SPATA22: variants seen among roughly 807,000 people sequenced by gnomAD.
SPATA22 encodes spermatogenesis associated 22.
In SPATA22, 29 loss-of-function variants were observed where a neutral mutation model predicts 47.8. That is an observed-to-expected ratio of 0.61 (90% CI 0.45 to 0.83). The LOEUF (loss-of-function observed/expected upper bound fraction) is 0.83. SPATA22 is among the 40% of genes least tolerant of loss of function. The pLI is 0.00. For synonymous variants in SPATA22, 133 were observed against 140.9 expected, an observed-to-expected ratio of 0.94 and a Z score of 0.40; for missense variants, 410 against 421.7, an observed-to-expected ratio of 0.97 and a Z score of 0.24.
intron 1 of SPATA22, chr17:3,498,740 T>G: frequency 1.4e-6 from 1 of 690,814 alleles, no homozygotes; most frequent in East Asian, 3.0e-5. Flanking sequence ...GTCAGCGCAG[T>G]CAGATCACTT....
At chr17:3,463,244 G>A (rs111711207) in intron 3 of SPATA22, among the ~76,000 whole-genome samples, 5 of 151,260 alleles carry the variant, frequency 3.3e-5, no homozygotes, top group Non-Finnish European at 5.9e-5. Flanking sequence ...CTTAATGACA[G>A]GGATACAGTC....
At chr17:3,491,577 G>T (rs1273508760) in intron 1 of SPATA22, among the ~76,000 whole-genome samples, 1 of 152,008 alleles carries the variant, frequency 6.6e-6, no homozygotes, top group Non-Finnish European at 1.5e-5. Context: ...GGAAAACCTT[G>T]TCTCTACTAA....
At chr17:3,447,030 A>T (rs892590533) in intron 6 of SPATA22, among the ~76,000 whole-genome samples, 3 of 152,202 alleles carry the variant, frequency 2.0e-5, no homozygotes, top group African/African-American at 7.2e-5. Context: ...ATAGCTATTT[A>T]GGAAAAATTC....
intron 5 of SPATA22, among the ~76,000 whole-genome samples, chr17:3,452,671 A>G (rs947091565): frequency 1.3e-5 from 2 of 152,124 alleles, no homozygotes; most frequent in African/African-American, 4.8e-5. Flanking sequence ...CTAAAAAAAG[A>G]AAAAAGAAGA....
Position 3,440,334 on chromosome 17 carries a change from C to T in SPATA22, c.905G>A (p.Arg302His), listed in dbSNP as rs80253914. ...GCCTCTAATCAGTCTCGGAAGTTCA[C>T]GATCCTGTTTTTCAAAAAATAAGTA... ...TLPCVFYEID[R>H]ELPRLIRGRV... The change falls in exon 9 of 9, where the codon CGT becomes CAT. Residue 302 changes from arginine (R) to histidine (H), a missense_variant. Coordinates refer to ENST00000572969, the MANE Select transcript of SPATA22 (RefSeq NM_001170698.2). The T allele has an allele frequency of 2.9e-5, 43 of 1,483,394 alleles. No individual in the cohort carries two copies. The highest frequency in any genetic ancestry group is 3.6e-5 in the Non-Finnish European group (40 of 1,111,130). The allele number at this position is 1,483,394 out of a possible 1,614,324, so 91.9% of individuals were successfully genotyped here. A position where few individuals can be genotyped will look rare whatever the true frequency, so the allele number is the denominator to read the frequency against.
intron 1 of SPATA22, among the ~76,000 whole-genome samples, chr17:3,506,994 G>GGAAA (rs1268108608): frequency 2.8e-5 from 4 of 143,830 alleles, no homozygotes; most frequent in Admixed American, 7.2e-5. Context: ...AGAGAAGGAA[G>GGAAA]GGAGGGAGGA....
intron 1 of SPATA22, among the ~76,000 whole-genome samples, chr17:3,497,064 A>C (rs1294151590): frequency 1.3e-5 from 2 of 152,152 alleles, no homozygotes; most frequent in Non-Finnish European, 2.9e-5. Context: ...ATTACGTCTA[A>C]AAAGAAAAAG....
rs781444322 is a variant in SPATA22, at chr17:3,449,097, A to T, written c.382T>A (p.Phe128Ile). ...TSLKTWNKND[F>I]KPQCKRTNLV... The stretch of plus-strand genomic sequence containing the variant: ...TTTGTTCGTTTACATTGAGGCTTAA[A>T]ATCATTTTTATTCCAAGTTTTCAAG... The change falls in exon 6 of 9, where the codon TTT becomes ATT. Residue 128 changes from phenylalanine (F) to isoleucine (I), a missense_variant. By Grantham distance (21) the Phe-to-Ile change is conservative. Transcript: ENST00000572969. 1.9e-6 allele frequency: 3 copies of T among 1,611,176 alleles called. No homozygotes were observed. The South Asian group carries it at 3.3e-5, about 18-fold the overall frequency.
intron 3 of SPATA22, among the ~76,000 whole-genome samples, chr17:3,465,162 T>G (rs1597407960): frequency 3.5e-5 from 4 of 114,228 alleles, no homozygotes; most frequent in African/African-American, 1.0e-4. Flanking sequence ...GGTGGGGGGG[T>G]CAGCCCCCCG....
intron 5 of SPATA22, among the ~76,000 whole-genome samples, chr17:3,450,887 T>C (rs531231714): frequency 2.0e-5 from 3 of 152,314 alleles, no homozygotes; most frequent in Non-Finnish European, 4.4e-5. Context: ...AGTGAGCACA[T>C]ACTGTTGGAA....
chr17:3,489,235 G>A, intron 1 of SPATA22: 10 of 1,591,556 alleles, frequency 6.3e-6, no homozygotes, highest in Non-Finnish European at 8.6e-6. Context: ...CTGTACCTAG[G>A]TATAGAAGTT....
rs192911497 is a variant in SPATA22, at chr17:3,451,802, G to A, written c.330-2653C>T. Among the ~76,000 whole-genome samples, 46 of 151,650 alleles carry A rather than the reference G, an allele frequency of 3.0e-4. No homozygotes were observed. In the East Asian group the frequency reaches 8.5e-3, roughly 28 times the overall value. ...TCTCTACTAAAAATACAAAAATTAG[G>A]TGAGTGTGGTGGCATGCACCTGTAG... On this transcript the variant is annotated intron_variant, in intron 5 of 8. Coordinates refer to ENST00000572969, the MANE Select transcript of SPATA22 (RefSeq NM_001170698.2).
chr17:3,446,508 G>A lies in SPATA22; in HGVS notation c.766C>T (p.His256Tyr), dbSNP rs1193892658. 6.2e-7 allele frequency: 1 copy of A among 1,607,440 alleles called. No individual in the cohort carries two copies. Among genetic ancestry groups the A allele is most frequent in the Non-Finnish European group, 8.5e-7 (1 of 1,177,800 alleles). ...VIESMKYWRE[H>Y]AQKTVLLFEV... Reference sequence around the variant, plus strand: ...AAAAGAAGTACAGTTTTCTGTGCATGTTCACGCCAATACTTCATGCTTTCA... The same window carrying A: ...AAAAGAAGTACAGTTTTCTGTGCATATTCACGCCAATACTTCATGCTTTCA... The change falls in exon 7 of 9, where the codon CAT (histidine) becomes TAT (tyrosine). Residue 256 changes from histidine to tyrosine, a missense_variant. Physicochemically the swap from His to Tyr is moderately conservative, Grantham distance 83. Transcript: ENST00000572969.
At chr17:3,491,220 A>T (rs2073818767) in intron 1 of SPATA22, among the ~76,000 whole-genome samples, 1 of 152,230 alleles carries the variant, frequency 6.6e-6, no homozygotes, top group Admixed American at 6.5e-5. Context: ...AATCTTTAAC[A>T]ATTGTTTAAA....
At chr17:3,471,391 C>G (rs76430945) in intron 1 of SPATA22, 1 of 980,310 alleles carries the variant, frequency 1.0e-6, no homozygotes, top group Admixed American at 6.2e-5. Context: ...ACATTCCACC[C>G]GCGGGACCAT....
intron 1 of SPATA22, among the ~76,000 whole-genome samples, chr17:3,478,166 C>T (rs1380425805): frequency 6.6e-6 from 1 of 151,694 alleles, no homozygotes; most frequent in Non-Finnish European, 1.5e-5. Context: ...GCCTGGGTGA[C>T]AGAGCGAGAC....
In SPATA22 at chr17:3,446,503, T is replaced by C. The variant is rs191733308; in HGVS notation, c.771A>G (p.Ala257=). Residue 257 remains alanine, a synonymous_variant, in exon 7 of 9, where the codon GCA becomes GCG. Coordinates refer to ENST00000572969, the MANE Select transcript of SPATA22 (RefSeq NM_001170698.2). The part of the protein sequence containing the change: ...IESMKYWREH[A]QKTVLLFEVL... ...CTTCAAAAAGAAGTACAGTTTTCTG[T>C]GCATGTTCACGCCAATACTTCATGC... 4 of 1,607,580 alleles carry C rather than the reference T, an allele frequency of 2.5e-6. No individual in the cohort carries two copies. The Admixed American group carries it at 5.1e-5, about 21-fold the overall frequency.
At chr17:3,476,427 T>C, upstream of SPATA22, 1 of 1,595,726 alleles carries the variant, frequency 6.3e-7, no homozygotes, top group Non-Finnish European at 8.6e-7. Flanking sequence ...TATATGTATG[T>C]ATGTTGTGTG....
chr17:3,461,360 C>T (rs920615947), intron 5 of SPATA22, among the ~76,000 whole-genome samples: 1 of 152,176 alleles, frequency 6.6e-6, no homozygotes, highest in Non-Finnish European at 1.5e-5. Context: ...ATGTTCTGTA[C>T]TCCTGGATTT....
Sources: allele counts gnomAD v4.1 joint callset (sites outside exome capture counted in the v4.1 genomes callset), GRCh38; gene constraint gnomAD v4.1.1; transcripts MANE v1.5; gene names NCBI Gene and HGNC (gene_info 2026-07-23, HGNC 2026-07-21).